The following STAB2 variants were observed in gnomAD, a reference collection of about 807,000 sequenced individuals.
STAB2 encodes the protein stabilin-2.
In STAB2, 288 loss-of-function variants were observed where a neutral mutation model predicts 338.1. The observed-to-expected ratio is 0.85, with a 90% CI of 0.77 to 0.94. The LOEUF is 0.94. Among genes scored for constraint, STAB2 ranks in the 40% least tolerant of loss-of-function variants. The pLI, the probability that STAB2 is intolerant of heterozygous loss-of-function variation, is 0.00. For synonymous variants in STAB2, 1,202 were observed against 1,193.3 expected (o/e 1.01, Z -0.15); for missense variants, 3,141 against 3,210.1 (o/e 0.98, Z 0.52).
chr12:103,707,846 G>T (rs1879502973), intron 38 of STAB2, among the ~76,000 whole-genome samples: 2 of 152,186 alleles, frequency 1.3e-5, no homozygotes, highest in South Asian at 2.1e-4. Flanking sequence ...TTACAGTGTT[G>T]ATTTTTTCCC....
chr12:103,649,195 A>G (rs527653799), intron 10 of STAB2, among the ~76,000 whole-genome samples: 1 of 152,230 alleles, frequency 6.6e-6, no homozygotes, highest in East Asian at 1.9e-4. Flanking sequence ...TTGGCAGGTA[A>G]AACTGGGAAT....
intron 33 of STAB2, among the ~76,000 whole-genome samples, chr12:103,696,107 G>T (rs560357009): frequency 9.9e-5 from 15 of 152,182 alleles, no homozygotes; most frequent in African/African-American, 3.6e-4. Flanking sequence ...GTGTGGTGTT[G>T]GTGTGTATAT....
chr12:103,737,610 T>TC, intron 52 of STAB2, 24 bp from the exon 53 acceptor site: 15 of 1,146,496 alleles, frequency 1.3e-5, no homozygotes, highest in East Asian at 5.8e-5. Context: ...CTTTCTCTTT[T>TC]TTTTTTTTTT....
chr12:103,643,385 T>C (rs1187352474), intron 9 of STAB2, among the ~76,000 whole-genome samples: 1 of 152,160 alleles, frequency 6.6e-6, no homozygotes, highest in Non-Finnish European at 1.5e-5. Flanking sequence ...GCACGTGCTC[T>C]TCCTTCCACT....
rs1164008733 is a variant in STAB2, at chr12:103,706,859, T to C, written c.4064T>C (p.Val1355Ala). 1.2e-6 allele frequency: 2 copies of C among 1,614,138 alleles called. No individual in the cohort carries two copies. Among genetic ancestry groups the C allele is most frequent in the African/African-American group, 1.3e-5 (1 of 74,942 alleles). ...CQPCPGNAQN[V>A]CFGNGICLDG... ...CCCTGCCCAGGGAATGCCCAGAATG[T>C]CTGCTTTGGTAATGGCATCTGTTTG... The change falls in exon 38 of 69, where the codon GTC becomes GCC. Residue 1355 changes from valine to alanine, a missense_variant. Transcript: ENST00000388887.
Position 103,753,177 on chromosome 12 carries a change from C to A in STAB2, c.6581-43C>A, listed in dbSNP as rs1244663716. ...AGTCCATTGTTGGAAACACTGCCAA[C>A]CTGGTGGGCTGACCTGGGCGATTCC... On this transcript the variant is annotated intron_variant, in intron 60 of 68. Transcript: ENST00000388887. 4 of 1,607,846 alleles carry A rather than the reference C, an allele frequency of 2.5e-6. No individual in the cohort carries two copies. In the South Asian group the frequency reaches 4.4e-5, roughly 18 times the overall value.
At chr12:103,747,418 C>T (rs896643291) in intron 58 of STAB2, among the ~76,000 whole-genome samples, 9 of 152,188 alleles carry the variant, frequency 5.9e-5, no homozygotes, top group Admixed American at 2.0e-4. Context: ...GGCTGAACTC[C>T]TTTTCTGAAC....
Position 103,622,025 on chromosome 12 carries a change from C to G in STAB2, c.418-17C>G. ...GTCACCTTGGGTCTAATGTCAACCACCTGGGGTGTTTTGCAGGAAGGGTTT... is the reference window on the plus strand; with the variant it reads ...GTCACCTTGGGTCTAATGTCAACCAGCTGGGGTGTTTTGCAGGAAGGGTTT... On this transcript the variant is annotated splice_polypyrimidine_tract_variant and intron_variant, in intron 4 of 68. Coordinates refer to ENST00000388887, the MANE Select transcript of STAB2 (RefSeq NM_017564.10). The G allele has an allele frequency of 6.2e-7, 1 of 1,614,078 alleles. No individual in the cohort carries two copies.
intron 31 of STAB2, among the ~76,000 whole-genome samples, chr12:103,695,289 T>C (rs1878296365): frequency 1.3e-5 from 2 of 152,236 alleles, no homozygotes; most frequent in Non-Finnish European, 2.9e-5. Flanking sequence ...TGAAAGTCTT[T>C]CGTGCAAGAA....
chr12:103,634,306 T>G (rs537798560), intron 6 of STAB2, among the ~76,000 whole-genome samples: 5 of 152,118 alleles, frequency 3.3e-5, no homozygotes, highest in African/African-American at 1.2e-4. Flanking sequence ...CTAGCTTGAG[T>G]TGGTTCACAA....
In STAB2 at chr12:103,667,785, T is replaced by C. The variant is rs376626207; in HGVS notation, c.2086-858T>C. 1.9e-4 allele frequency among the ~76,000 whole-genome samples: 29 copies of C among 152,344 alleles called. No individual in the cohort carries two copies. In the East Asian group the frequency reaches 1.9e-3, roughly 10 times the overall value. On this transcript the variant is annotated intron_variant, in intron 19 of 68. Transcript: ENST00000388887. ...AACAGCCTAAGATGAAGGGATAAGC[T>C]TGACATCAACAATTATCTAAAACAA...
In STAB2 at chr12:103,658,311, CA is replaced by C. The variant is rs1193547968; in HGVS notation, c.1735-2016del. ...TCATAAAAGAAAGAATGTGTCGCAC[CA>C]AAAGGCTCTTCAACAACGACAGCTC... On this transcript the variant is annotated intron_variant, in intron 15 of 68. Transcript: ENST00000388887. Among the ~76,000 whole-genome samples the C allele has an allele frequency of 2.6e-5, 4 of 152,184 alleles. No individual in the cohort carries two copies. The East Asian group carries it at 7.7e-4, about 29-fold the overall frequency.
At chr12:103,678,590 G>A (rs955947937) in intron 25 of STAB2, among the ~76,000 whole-genome samples, 17 of 152,106 alleles carry the variant, frequency 1.1e-4, no homozygotes, top group South Asian at 4.1e-4. Flanking sequence ...GCAGTGGCAC[G>A]ATCTCGGCTC....
intron 1 of STAB2, among the ~76,000 whole-genome samples, chr12:103,588,953 T>C (rs774380651): frequency 6.6e-6 from 1 of 152,332 alleles, no homozygotes; most frequent in South Asian, 2.1e-4. Flanking sequence ...CAGTTTTCTA[T>C]ACTCCACTCA....
chr12:103,711,151 G>C, intron 39 of STAB2: 1 of 316,182 alleles, frequency 3.2e-6, no homozygotes, highest in Non-Finnish European at 5.7e-6. Flanking sequence ...CCAGAAGAGG[G>C]GTACACATCA....
At chr12:103,750,842 A>AAGTATTGGGAT in intron 60 of STAB2, 122 bp downstream of exon 60, 1 of 1,337,892 alleles carries the variant, frequency 7.5e-7, no homozygotes, top group Non-Finnish European at 9.9e-7. Context: ...TGTAATCCCA[A>AAGTATTGGGAT]TACTTTGGGA....
At chr12:103,678,900 C>T (rs1876638230) in intron 25 of STAB2, among the ~76,000 whole-genome samples, 1 of 152,168 alleles carries the variant, frequency 6.6e-6, no homozygotes, top group Non-Finnish European at 1.5e-5. Flanking sequence ...GCATCATTCC[C>T]ACTCACTCCT....
intron 9 of STAB2, among the ~76,000 whole-genome samples, chr12:103,640,894 A>G (rs780258491): frequency 2.0e-5 from 3 of 152,166 alleles, no homozygotes; most frequent in East Asian, 3.8e-4. Flanking sequence ...AAGGAGCACA[A>G]TGATTTATAC....
At chr12:103,745,049 T>C in intron 56 of STAB2, 124 bp from the exon 57 acceptor site, 1 of 740,406 alleles carries the variant, frequency 1.4e-6, no homozygotes, top group South Asian at 2.0e-5. Flanking sequence ...AATGAATGAA[T>C]GAATGACTGT....
Sources: allele counts gnomAD v4.1 joint callset (sites outside exome capture counted in the v4.1 genomes callset), GRCh38; gene constraint gnomAD v4.1.1; transcripts MANE v1.5; gene names NCBI Gene and HGNC (gene_info 2026-07-23, HGNC 2026-07-21).